Variants in NUP98 observed in about 807,000 individuals in gnomAD.
NUP98 encodes nucleoporin 98 and 96 precursor.
In NUP98, 26 loss-of-function variants were observed where a neutral mutation model predicts 191.9. The ratio of observed to expected loss-of-function variants is 0.14; its 90% CI spans 0.10 to 0.19. NUP98 has a LOEUF of 0.19. Ranked by LOEUF, NUP98 falls within the 10% of genes least tolerant of loss-of-function variation. The probability of loss-of-function intolerance (pLI) is 1.00; values close to 1 mark genes in which losing one functional copy is unlikely to be tolerated. For synonymous variants in NUP98, 808 were observed against 778.4 expected, an observed-to-expected ratio of 1.04 and a Z score of -0.63; for missense variants, 1,941 against 2,178.8, an observed-to-expected ratio of 0.89 and a Z score of 2.17.
chr11:3,725,642 T>G (rs2079587270), intron 14 of NUP98, among the ~76,000 whole-genome samples: 1 of 152,204 alleles, frequency 6.6e-6, no homozygotes. Flanking sequence ...CTGTCTTGAA[T>G]GAAAAAGGTA....
intron 29 of NUP98, among the ~76,000 whole-genome samples, chr11:3,683,899 G>A (rs1173081656): frequency 6.6e-6 from 1 of 151,960 alleles, no homozygotes; most frequent in South Asian, 2.1e-4. Flanking sequence ...TCTCACACCG[G>A]TATTAATTTT....
At chr11:3,680,478 T>G (rs996912743) in intron 30 of NUP98, among the ~76,000 whole-genome samples, 1 of 152,200 alleles carries the variant, frequency 6.6e-6, no homozygotes, top group Non-Finnish European at 1.5e-5. Context: ...AGGGCTGGAT[T>G]CAATGCCTTC....
intron 12 of NUP98, among the ~76,000 whole-genome samples, chr11:3,737,732 C>T (rs575634348): frequency 4.6e-5 from 7 of 152,250 alleles, no homozygotes; most frequent in Non-Finnish European, 8.8e-5. Context: ...AATACTAAAA[C>T]ACCGTACATT....
At chr11:3,778,071 C>T (rs1475521939) in intron 4 of NUP98, among the ~76,000 whole-genome samples, 3 of 151,524 alleles carry the variant, frequency 2.0e-5, no homozygotes, top group Non-Finnish European at 4.4e-5. Context: ...TGGTGGCAGG[C>T]GCCTGTAGTC....
intron 1 of NUP98, among the ~76,000 whole-genome samples, chr11:3,791,000 A>G (rs2082318158): frequency 6.6e-6 from 1 of 151,478 alleles, no homozygotes; most frequent in East Asian, 2.0e-4. Context: ...GGTTCACGAC[A>G]TTCTCCTGCG....
At chr11:3,678,284 G>A (rs1461708252) in intron 31 of NUP98, among the ~76,000 whole-genome samples, 1 of 125,532 alleles carries the variant, frequency 8.0e-6, no homozygotes, top group Non-Finnish European at 2.0e-5. Context: ...TTTCAGACGA[G>A]AGAGGTAGTT....
In NUP98 at chr11:3,789,644, A is replaced by G. The variant is rs540267106; in HGVS notation, c.-28-7499T>C. On this transcript the variant is annotated intron_variant, in intron 1 of 32. Coordinates refer to ENST00000324932, the MANE Select transcript of NUP98 (RefSeq NM_016320.5). ...GATCCTCCCACTTTAGCCTCCCAAA[A>G]AGCTGAGACCACAGGCATGTGCCAC... Among the ~76,000 whole-genome samples the G allele has an allele frequency of 1.2e-4, 18 of 151,578 alleles. No homozygotes were observed. In the East Asian group the frequency reaches 2.9e-3, roughly 24 times the overall value.
At chr11:3,738,087 C>CA (rs61502115) in intron 12 of NUP98, among the ~76,000 whole-genome samples, 2,043 of 69,224 alleles carry the variant, frequency 0.03, 50 homozygotes, top group Middle Eastern at 0.066. Context: ...TGGGCGTTCT[C>CA]AAAAAAAAAA....
intron 5 of NUP98, 92 bp downstream of exon 5, chr11:3,775,790 A>C: frequency 7.9e-7 from 1 of 1,265,558 alleles, no homozygotes; most frequent in South Asian, 1.3e-5. Flanking sequence ...TGTCAAGCTA[A>C]GCTGGAAAGA....
intron 31 of NUP98, 39 bp from the exon 32 acceptor site, chr11:3,676,659 T>C: frequency 6.9e-7 from 1 of 1,447,834 alleles, no homozygotes; most frequent in South Asian, 1.1e-5. Flanking sequence ...CCAAGGGGAG[T>C]TCCTATCACT....
intron 12 of NUP98, among the ~76,000 whole-genome samples, chr11:3,740,849 C>T (rs1371004912): frequency 3.3e-5 from 5 of 150,578 alleles, no homozygotes; most frequent in Admixed American, 6.6e-5. Flanking sequence ...GACAGAGTCT[C>T]GCACTTTCGC....
intron 1 of NUP98, among the ~76,000 whole-genome samples, chr11:3,783,249 G>A (rs1035122017): frequency 6.6e-6 from 1 of 151,506 alleles, no homozygotes; most frequent in Non-Finnish European, 1.5e-5. Flanking sequence ...TTGGACTGGT[G>A]TGGTGACACG....
In NUP98 at chr11:3,771,661, T is replaced by G. The variant is rs148971360; in HGVS notation, c.784+87A>C. 1,494 of 1,164,450 alleles carry G rather than the reference T, an allele frequency of 1.3e-3. 18 individuals carry two copies. In the East Asian group the frequency reaches 0.03, roughly 23 times the overall value. 72.1% of individuals were successfully genotyped at this position (1,164,450 alleles called of 1,614,324 possible). A position where few individuals can be genotyped will look rare whatever the true frequency, so the allele number is the denominator to read the frequency against. On this transcript the variant is annotated intron_variant, in intron 7 of 32. Transcript: ENST00000324932. ...ATCCCTGAATTATTATTTTTCTCCA[T>G]AGCACTTATCCCAAAATGGCAATTA...
chr11:3,743,687 T>C (rs1021330092), intron 12 of NUP98, among the ~76,000 whole-genome samples: 1 of 150,116 alleles, frequency 6.7e-6, no homozygotes, highest in Non-Finnish European at 1.5e-5. Context: ...TTCCTTAAGT[T>C]CAAAATACAT....
intron 18 of NUP98, among the ~76,000 whole-genome samples, chr11:3,718,772 G>GCTATTAAAA (rs1564839449): frequency 1.3e-5 from 2 of 152,112 alleles, no homozygotes; most frequent in Non-Finnish European, 2.9e-5. Context: ...GCAGAAACAG[G>GCTATTAAAA]AATAAAGCAA....
chr11:3,779,200 C>T lies in NUP98; in HGVS notation c.134G>A (p.Ser45Asn), dbSNP rs756687981. Residue 45 changes from serine to asparagine, a missense_variant, in exon 3 of 33, where the codon AGC becomes AAC. By Grantham distance (46) the Ser-to-Asn change is conservative. This residue lies in a region of NUP98 where 154 missense variants were observed against 182.9 expected (regional missense o/e 0.84). Transcript: ENST00000324932. ...TCCAAAGAGGCCTCCAGTATTGTTG[C>T]TAGAACCAAATGCAGATGTTCCAAA... ...GAFGTSAFGS[S>N]NNTGGLFGNS... 1.2e-6 allele frequency: 2 copies of T among 1,614,208 alleles called. No individual in the cohort carries two copies. Among genetic ancestry groups the T allele is most frequent in the Admixed American group, 3.3e-5 (2 of 60,016 alleles).
intron 10 of NUP98, among the ~76,000 whole-genome samples, chr11:3,759,839 A>G (rs2081104450): frequency 6.6e-6 from 1 of 151,958 alleles, no homozygotes; most frequent in Admixed American, 6.6e-5. Context: ...TATTTTTCTT[A>G]TTTTATTATT....
Position 3,723,391 on chromosome 11 carries a change from C to A in NUP98, c.1912G>T (p.Val638Phe), listed in dbSNP as rs148384795. 6.2e-7 allele frequency: 1 copy of A among 1,614,088 alleles called. No individual in the cohort carries two copies. Among genetic ancestry groups the A allele is most frequent in the South Asian group, 1.1e-5 (1 of 91,078 alleles). Reference sequence around the variant, plus strand: ...ATAGGGTTAGTATAAAAATGTGAAACAAGGGAATCTTCATCTCCATCCTGC... The same window carrying A: ...ATAGGGTTAGTATAAAAATGTGAAAAAAGGGAATCTTCATCTCCATCCTGC... Reference protein sequence around the residue: ...HQQDGDEDSLVSHFYTNPIAK... With the variant: ...HQQDGDEDSLFSHFYTNPIAK... The change falls in exon 16 of 33, where the codon GTT (valine) becomes TTT (phenylalanine). Residue 638 changes from valine to phenylalanine, a missense_variant. Physicochemically the swap from Val to Phe is conservative, Grantham distance 50. Transcript: ENST00000324932.
chr11:3,779,228 C>T lies in NUP98; in HGVS notation c.106G>A (p.Ala36Thr), dbSNP rs779157475. ...NTGFGTTSGG[A>T]FGTSAFGSSN... Reference sequence around the variant, plus strand: ...GAACCAAATGCAGATGTTCCAAATGCCCCTCCACTAGTAGTGCCAAAGCCA... The same window carrying T: ...GAACCAAATGCAGATGTTCCAAATGTCCCTCCACTAGTAGTGCCAAAGCCA... Residue 36 changes from alanine (A) to threonine (T), a missense_variant, in exon 3 of 33, where the codon GCA (alanine) becomes ACA (threonine). Physicochemically the swap from Ala to Thr is moderately conservative, Grantham distance 58. Transcript: ENST00000324932. 5 of 1,614,122 alleles carry T rather than the reference C, an allele frequency of 3.1e-6. No homozygotes were observed. Among genetic ancestry groups the T allele is most frequent in the Admixed American group, 3.3e-5 (2 of 60,022 alleles).
Sources: allele counts gnomAD v4.1 joint callset (sites outside exome capture counted in the v4.1 genomes callset), GRCh38; gene constraint gnomAD v4.1.1; regional missense constraint gnomAD v4.1.1; transcripts MANE v1.5; gene names NCBI Gene and HGNC (gene_info 2026-07-23, HGNC 2026-07-21).